SNTG2: variants seen among roughly 807,000 people sequenced by gnomAD.
SNTG2 encodes syntrophin gamma 2, also known as gamma-2-syntrophin.
A neutral mutation model predicts 70.9 loss-of-function variants in SNTG2; 74 were observed. That is an observed-to-expected ratio of 1.04 (90% confidence interval 0.86 to 1.27). The LOEUF is 1.27. SNTG2 is among the 50% of genes most tolerant of loss of function. SNTG2 has a pLI of 0.00. For missense variants in SNTG2, 717 were observed against 690.7 expected (o/e 1.04, Z -0.43); for synonymous variants, 278 against 273.8 (o/e 1.02, Z -0.15).
chr2:1,102,145 A>T (rs2148223083), intron 4 of SNTG2, among the ~76,000 whole-genome samples: 1 of 152,344 alleles, frequency 6.6e-6, no homozygotes, highest in Non-Finnish European at 1.5e-5. Context: ...ATTTGCAGAG[A>T]TGACGGCTCC....
At chr2:1,317,308 T>G (rs1460149202) in intron 16 of SNTG2, among the ~76,000 whole-genome samples, 7 of 86,914 alleles carry the variant, frequency 8.1e-5, no homozygotes, top group Middle Eastern at 8.9e-3. Context: ...TCTGGAGCAT[T>G]TAGCATCAGG....
rs1572780401 is a variant in SNTG2, at chr2:1,222,557, AGCG to A, written c.719+13329_719+13331del. On this transcript the variant is annotated intron_variant, in intron 9 of 16. Coordinates refer to ENST00000308624, the MANE Select transcript of SNTG2 (RefSeq NM_018968.4). ...GAGGTGCTGGATCGCTGTAGAGGAA[AGCG>A]GTGCAGTGATGGAGGGCGTCTCCCT... is the stretch of plus-strand genomic sequence containing the variant. 1.1e-3 allele frequency among the ~76,000 whole-genome samples: 52 copies of A among 48,020 alleles called. 6 individuals carry two copies. The highest frequency in any genetic ancestry group is 3.6e-3 in the South Asian group (3 of 826). The allele number at this position is 48,020 out of a possible 152,430, so 31.5% of individuals were successfully genotyped here.
chr2:1,284,707 G>A (rs1294205101), intron 14 of SNTG2, among the ~76,000 whole-genome samples: 2 of 152,100 alleles, frequency 1.3e-5, no homozygotes, highest in Non-Finnish European at 2.9e-5. Context: ...CAAGTAGAAA[G>A]TTAAAGCTGA....
intron 1 of SNTG2, among the ~76,000 whole-genome samples, chr2:996,389 G>T (rs1038761215): frequency 2.6e-5 from 4 of 152,064 alleles, no homozygotes; most frequent in African/African-American, 9.7e-5. Context: ...TTCTGATTGT[G>T]CTTGTTCCTG....
intron 9 of SNTG2, among the ~76,000 whole-genome samples, chr2:1,218,214 G>A (rs1196420928): frequency 6.6e-6 from 1 of 152,112 alleles, no homozygotes; most frequent in Non-Finnish European, 1.5e-5. Context: ...CAGACGTAAA[G>A]GGCCATGTGT....
chr2:1,260,732 C>T (rs1300065769), intron 13 of SNTG2, among the ~76,000 whole-genome samples: 1 of 152,190 alleles, frequency 6.6e-6, no homozygotes, highest in Non-Finnish European at 1.5e-5. Context: ...ACATGAGCCT[C>T]TTGGTCGTAG....
At chr2:1,335,448 C>G (rs1659771604) in intron 16 of SNTG2, among the ~76,000 whole-genome samples, 1 of 152,108 alleles carries the variant, frequency 6.6e-6, no homozygotes, top group Admixed American at 6.5e-5. Context: ...GACTCATGCT[C>G]CTCTCTGACC....
rs150198823 is a variant in SNTG2, at chr2:1,123,990, G to C, written c.326-13632G>C. 3.3e-5 allele frequency among the ~76,000 whole-genome samples: 5 copies of C among 152,258 alleles called. No individual in the cohort carries two copies. The East Asian group carries it at 9.7e-4, about 30-fold the overall frequency. ...CAGAAGCTGGGGATTGGAGAATGGG[G>C]AGATGACGGTCAGAGGGCACAGACT... On this transcript the variant is annotated intron_variant, in intron 4 of 16. Transcript: ENST00000308624.
At chr2:986,081 G>GAGAC (rs1235329204) in intron 1 of SNTG2, among the ~76,000 whole-genome samples, 3 of 151,200 alleles carry the variant, frequency 2.0e-5, no homozygotes, top group South Asian at 4.2e-4. Context: ...GAGAGAGAGA[G>GAGAC]AGAGAGAGAG....
At chr2:956,967 C>T (rs956376420) in intron 1 of SNTG2, among the ~76,000 whole-genome samples, 3 of 152,256 alleles carry the variant, frequency 2.0e-5, no homozygotes, top group South Asian at 2.1e-4. Flanking sequence ...AATTCTATTT[C>T]TCAGCTGTAT....
intron 14 of SNTG2, among the ~76,000 whole-genome samples, chr2:1,294,486 G>A (rs1243184732): frequency 1.3e-5 from 2 of 152,240 alleles, no homozygotes; most frequent in African/African-American, 4.8e-5. Flanking sequence ...TTAGGAGAAA[G>A]TAGATGAGTT....
In SNTG2 at chr2:1,286,788, T is replaced by C. The variant is rs143085485; in HGVS notation, c.1284+19217T>C. Among the ~76,000 whole-genome samples the C allele has an allele frequency of 4.4e-4, 67 of 152,298 alleles. 1 individual carries two copies. Among genetic ancestry groups the C allele is most frequent in the African/African-American group, 1.5e-3 (63 of 41,566 alleles). The stretch of plus-strand genomic sequence containing the variant: ...AGTGTTGGTCTCTGCTGTGAGCAGA[T>C]TGCACAGACACACCCAGGATCAACA... On this transcript the variant is annotated intron_variant, in intron 14 of 16. Transcript: ENST00000308624.
In SNTG2 at chr2:950,992, C is replaced by A; in HGVS notation, c.-5C>A. The A allele has an allele frequency of 8.1e-7, 1 of 1,240,104 alleles. No individual in the cohort carries two copies. Among genetic ancestry groups the A allele is most frequent in the South Asian group, 3.6e-5 (1 of 28,038 alleles). The allele number at this position is 1,240,104 out of a possible 1,614,324, so 76.8% of individuals were successfully genotyped here. On this transcript the variant is annotated 5_prime_UTR_variant, in exon 1 of 17. Transcript: ENST00000308624. ...CGGAGCGCGGACCCAGCCGCAGGGG[C>A]GGCGATGGGCACCGAGGGACCCCCG...
chr2:1,262,578 CAAGTCTCAGTCCAGACGAGGAAACCCA>C (rs1268067117), intron 13 of SNTG2, among the ~76,000 whole-genome samples: 4 of 118,018 alleles, frequency 3.4e-5, no homozygotes. Context: ...GAAGCCGGGT[CAAGTCTCAGTCCAGACGAGGAAACCCA>C]AAGGCTCAGT....
At chr2:1,139,923 G>A (rs1668639877) in intron 6 of SNTG2, among the ~76,000 whole-genome samples, 1 of 150,684 alleles carries the variant, frequency 6.6e-6, no homozygotes, top group Non-Finnish European at 1.5e-5. Context: ...TATACTTTTT[G>A]AACCAGACTG....
At chr2:1,348,029 C>A (rs150939415) in intron 16 of SNTG2, among the ~76,000 whole-genome samples, 1 of 151,506 alleles carries the variant, frequency 6.6e-6, no homozygotes, top group African/African-American at 2.4e-5. Context: ...ATATTCAGGG[C>A]AATTTAAATC....
At chr2:965,135 AATCCTCCTCCT>A in intron 1 of SNTG2, among the ~76,000 whole-genome samples, 1 of 146,208 alleles carries the variant, frequency 6.8e-6, no homozygotes, top group East Asian at 2.2e-4. Context: ...CTTGGACCCC[AATCCTCCTCCT>A]GGTCCCCAGT....
At chr2:1,167,061 A>G (rs1670758727) in intron 7 of SNTG2, among the ~76,000 whole-genome samples, 1 of 152,234 alleles carries the variant, frequency 6.6e-6, no homozygotes, top group Non-Finnish European at 1.5e-5. Context: ...CTAAGGCAAG[A>G]ACCCCGGGAT....
chr2:1,087,328 TTCTG>T (rs922956368), intron 2 of SNTG2, among the ~76,000 whole-genome samples: 1 of 152,334 alleles, frequency 6.6e-6, no homozygotes, highest in Admixed American at 6.5e-5. Flanking sequence ...AGCATGGCTG[TTCTG>T]TCTGTCCTAT....
Sources: gnomAD v4.1 joint callset for allele counts (sites outside exome capture counted in the v4.1 genomes callset) on GRCh38, gnomAD v4.1.1 for gene constraint, MANE v1.5 for transcripts, NCBI Gene and HGNC (gene_info 2026-07-23, HGNC 2026-07-21) for gene names.